The following DENND1A variants were observed in gnomAD, a reference collection of about 807,000 sequenced individuals.
DENND1A encodes the protein DENN domain-containing protein 1A.
A neutral mutation model predicts 113.7 loss-of-function variants in DENND1A; 51 were observed. That is an observed-to-expected ratio of 0.45 (90% CI 0.36 to 0.57). The LOEUF (loss-of-function observed/expected upper bound fraction) is 0.57. DENND1A is among the 20% of genes least tolerant of loss of function. DENND1A has a pLI of 0.00. For missense variants in DENND1A, 1,258 were observed against 1,395.9 expected (o/e 0.90, Z 1.57); for synonymous variants, 565 against 570.8 (o/e 0.99, Z 0.14).
chr9:123,918,218 G>A (rs781471081), intron 1 of DENND1A, among the ~76,000 whole-genome samples: 9 of 151,200 alleles, frequency 6.0e-5, no homozygotes, highest in African/African-American at 1.2e-4. Flanking sequence ...GCCGGGCGTG[G>A]TGGCTCATGC....
intron 13 of DENND1A, among the ~76,000 whole-genome samples, chr9:123,495,140 TTTCTCTCTC>T (rs2051763328): frequency 1.3e-5 from 1 of 77,100 alleles, no homozygotes; most frequent in Non-Finnish European, 3.3e-5. Context: ...TCATTGTCTC[TTTCTCTCTC>T]TCTCTCTCTC....
chr9:123,391,008 G>A (rs2491350), intron 21 of DENND1A, among the ~76,000 whole-genome samples: 2,500 of 152,368 alleles, frequency 0.016, 20 homozygotes, highest in Middle Eastern at 0.027. Flanking sequence ...GCGCTGGGCT[G>A]TGCCCTGGCT....
chr9:123,756,231 G>A (rs2070532488), intron 5 of DENND1A, among the ~76,000 whole-genome samples: 1 of 152,134 alleles, frequency 6.6e-6, no homozygotes, highest in Non-Finnish European at 1.5e-5. Context: ...TTTTTGAGGA[G>A]TCAAAGTTAT....
chr9:123,696,012 A>C (rs2065496384), intron 5 of DENND1A, among the ~76,000 whole-genome samples: 2 of 151,818 alleles, frequency 1.3e-5, no homozygotes, highest in South Asian at 2.1e-4. Flanking sequence ...ACACCAAAAA[A>C]CTGGCACCTT....
intron 2 of DENND1A, among the ~76,000 whole-genome samples, chr9:123,823,011 C>T (rs1838729975): frequency 6.6e-6 from 1 of 152,202 alleles, no homozygotes; most frequent in East Asian, 1.9e-4. Context: ...CACATCAACT[C>T]TATGAGGCAA....
intron 3 of DENND1A, among the ~76,000 whole-genome samples, chr9:123,771,873 AG>A (rs1033357425): frequency 1.3e-5 from 2 of 150,486 alleles, no homozygotes; most frequent in Non-Finnish European, 3.0e-5. Context: ...GGATGGGGGG[AG>A]GGGAGGGGGA....
intron 1 of DENND1A, among the ~76,000 whole-genome samples, chr9:123,909,442 TATA>T (rs1161242416): frequency 6.7e-6 from 1 of 149,292 alleles, no homozygotes; most frequent in Non-Finnish European, 1.5e-5. Flanking sequence ...AAAGAAAAAT[TATA>T]ATCGTCTCAA....
intron 13 of DENND1A, among the ~76,000 whole-genome samples, chr9:123,505,970 C>T (rs958145913): frequency 6.6e-5 from 10 of 152,062 alleles, no homozygotes; most frequent in Non-Finnish European, 1.3e-4. Flanking sequence ...TGCTCCTCAA[C>T]GTGAGTGAGT....
At chr9:123,388,461 A>G (rs1188863137) in intron 21 of DENND1A, among the ~76,000 whole-genome samples, 2 of 152,198 alleles carry the variant, frequency 1.3e-5, no homozygotes, top group Non-Finnish European at 2.9e-5. Context: ...ATCTATTCCA[A>G]TAAGCAGGAA....
At chr9:123,708,039 T>C (rs1352659582) in intron 5 of DENND1A, among the ~76,000 whole-genome samples, 2 of 152,140 alleles carry the variant, frequency 1.3e-5, no homozygotes, top group African/African-American at 4.8e-5. Flanking sequence ...GGGGAGAAGG[T>C]AGCGTATACG....
intron 4 of DENND1A, among the ~76,000 whole-genome samples, chr9:123,760,286 G>A (rs1410959306): frequency 1.3e-5 from 2 of 152,226 alleles, no homozygotes; most frequent in Non-Finnish European, 2.9e-5. Context: ...CAAAGATAGG[G>A]TAGACTTTCT....
chr9:123,391,169 C>T (rs2042823110), intron 21 of DENND1A, among the ~76,000 whole-genome samples: 2 of 152,228 alleles, frequency 1.3e-5, no homozygotes, highest in Admixed American at 6.5e-5. Flanking sequence ...GTTCAGGAGC[C>T]ACTTTCCTTC....
At chr9:123,627,766 A>AGC (rs373598569) in intron 10 of DENND1A, among the ~76,000 whole-genome samples, 2,231 of 146,884 alleles carry the variant, frequency 0.015, 52 homozygotes, top group African/African-American at 0.052. Flanking sequence ...AAAGAGAGAG[A>AGC]GAGCGAGCGA....
intron 2 of DENND1A, among the ~76,000 whole-genome samples, chr9:123,796,688 A>G (rs1833814405): frequency 6.6e-6 from 1 of 151,934 alleles, no homozygotes; most frequent in South Asian, 2.1e-4. Context: ...GAAATGCAAA[A>G]TAATTCATAA....
At chr9:123,451,225 C>T (rs1052436796) in intron 17 of DENND1A, among the ~76,000 whole-genome samples, 6 of 152,298 alleles carry the variant, frequency 3.9e-5, no homozygotes, top group Middle Eastern at 3.4e-3. Context: ...TTGGCAGACA[C>T]CCTGGCTTTG....
At chr9:123,723,502 G>A (rs569741311) in intron 5 of DENND1A, among the ~76,000 whole-genome samples, 3 of 152,152 alleles carry the variant, frequency 2.0e-5, no homozygotes, top group Non-Finnish European at 4.4e-5. Flanking sequence ...ATCTTTAACT[G>A]TAACTCCCAC....
chr9:123,403,298 G>T, intron 21 of DENND1A, 104 bp downstream of exon 21: 1 of 1,157,984 alleles, frequency 8.6e-7, no homozygotes. Flanking sequence ...TGGGAGCCCC[G>T]GGGAAGCCTC....
intron 12 of DENND1A, among the ~76,000 whole-genome samples, chr9:123,562,236 T>G (rs1171063089): frequency 6.6e-6 from 1 of 152,162 alleles, no homozygotes; most frequent in Non-Finnish European, 1.5e-5. Flanking sequence ...CACTTAATGT[T>G]AAACTTGGAT....
At chr9:123,655,411 G>C (rs1367071112) in intron 8 of DENND1A, among the ~76,000 whole-genome samples, 2 of 152,128 alleles carry the variant, frequency 1.3e-5, no homozygotes, top group African/African-American at 4.8e-5. Flanking sequence ...TGGGACATTA[G>C]GAAGAACGTA....
Sources: gnomAD v4.1 joint callset for allele counts (sites outside exome capture counted in the v4.1 genomes callset) on GRCh38, gnomAD v4.1.1 for gene constraint, MANE v1.5 for transcripts, NCBI Gene and HGNC (gene_info 2026-07-23, HGNC 2026-07-21) for gene names.